The following NARS2 variants were observed in gnomAD, a reference collection of about 807,000 sequenced individuals.
NARS2 encodes the protein asparaginyl-tRNA synthetase 2, mitochondrial.
A neutral mutation model predicts 62.9 loss-of-function variants in NARS2; 60 were observed. The observed-to-expected ratio is 0.95, with a 90% CI of 0.77 to 1.18. The LOEUF is 1.18. Among genes scored for constraint, NARS2 ranks in the 50% most tolerant of loss-of-function variants. NARS2 has a pLI of 0.00. For missense variants in NARS2, 619 were observed against 576.4 expected (o/e 1.07, Z -0.76); for synonymous variants, 196 against 200.0 (o/e 0.98, Z 0.17).
rs202122906 is a variant in NARS2, at chr11:78,569,559, TTGAAG to T, written c.252-812_252-808del. On this transcript the variant is annotated intron_variant, in intron 2 of 13. Coordinates refer to ENST00000281038, the MANE Select transcript of NARS2 (RefSeq NM_024678.6). The stretch of plus-strand genomic sequence containing the variant: ...TAATATAGCAATACAATAAATTTTA[TTGAAG>T]TAAATAAGTCAGGAGATTCTCCATC... 6.4e-3 allele frequency among the ~76,000 whole-genome samples: 974 copies of T among 152,312 alleles called. 6 individuals carry two copies. The highest frequency in any genetic ancestry group is 0.022 in the African/African-American group (927 of 41,552).
chr11:78,502,607 A>G (rs1284757329), intron 6 of NARS2, among the ~76,000 whole-genome samples: 2 of 152,226 alleles, frequency 1.3e-5, no homozygotes, highest in African/African-American at 4.8e-5. Flanking sequence ...GGTGACGGAA[A>G]TGTTCTGGAA....
intron 6 of NARS2, among the ~76,000 whole-genome samples, chr11:78,508,475 G>A (rs1454308271): frequency 2.0e-5 from 3 of 151,950 alleles, no homozygotes; most frequent in East Asian, 3.9e-4. Context: ...TGCAATCCCA[G>A]CTACTCAAGA....
intron 6 of NARS2, among the ~76,000 whole-genome samples, chr11:78,496,083 C>T (rs1281235403): frequency 6.6e-6 from 1 of 152,072 alleles, no homozygotes; most frequent in Non-Finnish European, 1.5e-5. Flanking sequence ...AGTTAAATAT[C>T]ATTTTGATAG....
At chr11:78,535,545 A>G (rs1454867520) in intron 5 of NARS2, among the ~76,000 whole-genome samples, 3 of 152,168 alleles carry the variant, frequency 2.0e-5, no homozygotes, top group Non-Finnish European at 2.9e-5. Context: ...ATATTGCAAC[A>G]AAGATTTTAA....
At chr11:78,568,848 CA>C (rs1856827071) in intron 2 of NARS2, 96 bp from the exon 3 acceptor site, 1 of 1,017,860 alleles carries the variant, frequency 9.8e-7, no homozygotes, top group Admixed American at 2.5e-5. Flanking sequence ...TACTTAATGA[CA>C]AAAGCTTTTA....
intron 5 of NARS2, among the ~76,000 whole-genome samples, chr11:78,553,246 G>T (rs1219898008): frequency 6.6e-6 from 1 of 151,938 alleles, no homozygotes; most frequent in Non-Finnish European, 1.5e-5. Flanking sequence ...TTGGCCTCAA[G>T]CATGTCTTCT....
chr11:78,448,517 C>T (rs542131911), intron 11 of NARS2, among the ~76,000 whole-genome samples: 28 of 152,080 alleles, frequency 1.8e-4, no homozygotes, highest in African/African-American at 6.8e-4. Context: ...TCTTGAACCA[C>T]CTGATCTTGA....
chr11:78,534,411 A>G (rs997718460), intron 5 of NARS2, among the ~76,000 whole-genome samples: 1 of 152,212 alleles, frequency 6.6e-6, no homozygotes, highest in Non-Finnish European at 1.5e-5. Flanking sequence ...ACCTTCAGCC[A>G]TTACACTGAG....
intron 6 of NARS2, among the ~76,000 whole-genome samples, chr11:78,510,092 T>A (rs1462756273): frequency 6.6e-6 from 1 of 151,994 alleles, no homozygotes; most frequent in South Asian, 2.1e-4. Context: ...ATAAAGTATA[T>A]AGAAAACAAA....
At position 78,456,439 on chromosome 11, in the gene NARS2, T is replaced by C. The variant is rs142563953; in HGVS notation, c.1164+9437A>G. On this transcript the variant is annotated intron_variant, in intron 11 of 13. Coordinates refer to ENST00000281038, the MANE Select transcript of NARS2 (RefSeq NM_024678.6). ...TGACAAAAATTTCTAGGATTCTCTT[T>C]AGTCCTAGATATGGGGAAAATTGGC... Among the ~76,000 whole-genome samples, 776 of 152,366 alleles carry C rather than the reference T, an allele frequency of 5.1e-3. 4 individuals carry two copies. The highest frequency in any genetic ancestry group is 0.018 in the African/African-American group (750 of 41,590).
At chr11:78,564,930 A>G (rs1856693173) in intron 4 of NARS2, among the ~76,000 whole-genome samples, 1 of 152,212 alleles carries the variant, frequency 6.6e-6, no homozygotes, top group Non-Finnish European at 1.5e-5. Flanking sequence ...TCTTGGTGAG[A>G]CTGGGGCTGT....
chr11:78,566,030 A>G (rs878975574), intron 4 of NARS2, 102 bp downstream of exon 4: 8 of 991,316 alleles, frequency 8.1e-6, no homozygotes, highest in South Asian at 5.8e-5. Context: ...AAACTAACCC[A>G]TAACTAACAG....
chr11:78,491,080 T>G (rs1188021239), intron 7 of NARS2, among the ~76,000 whole-genome samples: 1 of 152,222 alleles, frequency 6.6e-6, no homozygotes, highest in African/African-American at 2.4e-5. Flanking sequence ...AAGTGAAAGC[T>G]ACTTAAGGAA....
At chr11:78,498,890 CTTTTTTTTTT>C (rs35157157) in intron 6 of NARS2, among the ~76,000 whole-genome samples, 4 of 62,322 alleles carry the variant, frequency 6.4e-5, no homozygotes, top group Middle Eastern at 0.03. Context: ...CATCCTCAGT[CTTTTTTTTTT>C]TTTTTTTTTT....
chr11:78,459,827 T>C (rs779148791), intron 11 of NARS2, among the ~76,000 whole-genome samples: 1 of 152,212 alleles, frequency 6.6e-6, no homozygotes, highest in Non-Finnish European at 1.5e-5. Context: ...GTCATGCACA[T>C]AGATGTAAAA....
intron 6 of NARS2, among the ~76,000 whole-genome samples, chr11:78,494,607 T>C (rs546613629): frequency 1.6e-4 from 25 of 152,192 alleles, no homozygotes; most frequent in Middle Eastern, 3.4e-3. Context: ...AGTTATATTT[T>C]GGTTCTACAG....
intron 13 of NARS2, 89 bp downstream of exon 13, chr11:78,441,002 A>G: frequency 1.7e-6 from 2 of 1,161,142 alleles, no homozygotes; most frequent in Non-Finnish European, 2.5e-6. Flanking sequence ...ACACTCTTTC[A>G]TGGGGTCTTG....
chr11:78,556,786 C>A (rs1250461823), intron 5 of NARS2, among the ~76,000 whole-genome samples: 1 of 152,224 alleles, frequency 6.6e-6, no homozygotes, highest in Non-Finnish European at 1.5e-5. Context: ...CAAACTAATT[C>A]TTCCAAATTA....
intron 12 of NARS2, among the ~76,000 whole-genome samples, chr11:78,443,063 T>C (rs946999843): frequency 5.3e-5 from 8 of 152,130 alleles, no homozygotes; most frequent in Admixed American, 3.3e-4. Flanking sequence ...CGGTGGCTCA[T>C]GCCTGTAATC....
Sources: allele counts gnomAD v4.1 joint callset (sites outside exome capture counted in the v4.1 genomes callset), GRCh38; gene constraint gnomAD v4.1.1; transcripts MANE v1.5; gene names NCBI Gene and HGNC (gene_info 2026-07-23, HGNC 2026-07-21).